Variants in PPM1D observed in about 807,000 individuals in gnomAD.
PPM1D encodes the protein protein phosphatase 1D.
In PPM1D, 52 loss-of-function variants were observed where a neutral mutation model predicts 58.3. The observed-to-expected ratio is 0.89, with a 90% CI of 0.71 to 1.12. The LOEUF is 1.12. Among genes scored for constraint, PPM1D ranks in the 50% most tolerant of loss-of-function variants. The pLI, the probability that PPM1D is intolerant of heterozygous loss-of-function variation, is 0.00. For synonymous variants in PPM1D, 278 were observed against 285.1 expected (o/e 0.98, Z 0.25); for missense variants, 564 against 777.2 (o/e 0.73, Z 3.26).
At chr17:60,654,994 G>A (rs2143715641) in intron 4 of PPM1D, among the ~76,000 whole-genome samples, 1 of 152,202 alleles carries the variant, frequency 6.6e-6, no homozygotes, top group African/African-American at 2.4e-5. Context: ...TATGACACTG[G>A]AAGTTTTATT....
intron 1 of PPM1D, among the ~76,000 whole-genome samples, chr17:60,602,797 A>AC (rs1555643761): frequency 0.048 from 7,134 of 149,436 alleles, 612 homozygotes; most frequent in African/African-American, 0.17. Context: ...AAAAAAAAAA[A>AC]AAAGTATGCT....
chr17:60,602,504 A>G (rs915081442), intron 1 of PPM1D, among the ~76,000 whole-genome samples: 1 of 151,948 alleles, frequency 6.6e-6, no homozygotes, highest in Non-Finnish European at 1.5e-5. Context: ...CTGGGCAACA[A>G]GCGATCCTGG....
intron 3 of PPM1D, among the ~76,000 whole-genome samples, chr17:60,645,727 TAAG>T (rs1166337685): frequency 6.7e-6 from 1 of 148,576 alleles, no homozygotes; most frequent in Non-Finnish European, 1.5e-5. Flanking sequence ...GATAAGAACA[TAAG>T]AATAATAGTC....
At chr17:60,639,798 G>C (rs971724914) in intron 3 of PPM1D, among the ~76,000 whole-genome samples, 1 of 152,306 alleles carries the variant, frequency 6.6e-6, no homozygotes, top group East Asian at 1.9e-4. Context: ...CACTTAACCA[G>C]AGAGGCCAGA....
intron 2 of PPM1D, among the ~76,000 whole-genome samples, chr17:60,626,561 A>T (rs2030813939): frequency 6.6e-6 from 1 of 151,670 alleles, no homozygotes; most frequent in Admixed American, 6.6e-5. Flanking sequence ...CGCCCGGCTA[A>T]TTTTTTGTAT....
intron 3 of PPM1D, among the ~76,000 whole-genome samples, chr17:60,641,345 T>G (rs1372130158): frequency 2.6e-5 from 4 of 152,226 alleles, no homozygotes; most frequent in Non-Finnish European, 5.9e-5. Context: ...CTCTAATGAT[T>G]ACTAATGTGG....
In PPM1D at chr17:60,608,578, G is replaced by A. The variant is rs145495636; in HGVS notation, c.472+7692G>A. ...CTGCACTCCAGCCTGGCAACAGAGC[G>A]AGATTCTGTCTCAACAATAAATAAA... On this transcript the variant is annotated intron_variant, in intron 1 of 5. Transcript: ENST00000305921. 5.3e-3 allele frequency among the ~76,000 whole-genome samples: 801 copies of A among 152,006 alleles called. 5 individuals carry two copies. Among genetic ancestry groups the A allele is most frequent in the African/African-American group, 0.018 (727 of 41,450 alleles).
At chr17:60,601,455 G>A (rs1206559238) in intron 1 of PPM1D, among the ~76,000 whole-genome samples, 1 of 152,188 alleles carries the variant, frequency 6.6e-6, no homozygotes, top group Non-Finnish European at 1.5e-5. Flanking sequence ...AAGGAATTCC[G>A]TTGTAATGAT....
At chr17:60,662,485 T>C (rs1447807273) in intron 5 of PPM1D, 2 of 153,094 alleles carry the variant, frequency 1.3e-5, no homozygotes, top group African/African-American at 4.8e-5. Flanking sequence ...TGGAAAAATA[T>C]GACTTTTATG....
intron 5 of PPM1D, among the ~76,000 whole-genome samples, chr17:60,658,759 C>T (rs1023238273): frequency 1.3e-5 from 2 of 151,662 alleles, no homozygotes; most frequent in South Asian, 2.1e-4. Flanking sequence ...GTCAGGAGAT[C>T]GAGACTATCT....
chr17:60,601,874 G>A (rs893580754), intron 1 of PPM1D, among the ~76,000 whole-genome samples: 3 of 152,138 alleles, frequency 2.0e-5, no homozygotes, highest in Admixed American at 2.0e-4. Context: ...GTGAATAAAT[G>A]GCATGCATCT....
At chr17:60,646,813 A>G (rs1412610330) in intron 3 of PPM1D, among the ~76,000 whole-genome samples, 2 of 152,230 alleles carry the variant, frequency 1.3e-5, no homozygotes, top group Non-Finnish European at 2.9e-5. Context: ...AAGGAGAAGG[A>G]TAAATGTAAG....
chr17:60,627,967 C>G (rs913464938), intron 2 of PPM1D, among the ~76,000 whole-genome samples: 1 of 151,682 alleles, frequency 6.6e-6, no homozygotes, highest in Non-Finnish European at 1.5e-5. Flanking sequence ...CTCACCGCAA[C>G]CTCTGCTTCC....
intron 2 of PPM1D, among the ~76,000 whole-genome samples, chr17:60,626,395 T>C (rs544193165): frequency 1.3e-5 from 2 of 151,526 alleles, no homozygotes; most frequent in African/African-American, 4.9e-5. Flanking sequence ...TTTGGGGTTT[T>C]TTTTGTTTTT....
chr17:60,616,203 G>C (rs2030580565), intron 1 of PPM1D, among the ~76,000 whole-genome samples: 1 of 150,414 alleles, frequency 6.6e-6, no homozygotes, highest in Non-Finnish European at 1.5e-5. Flanking sequence ...CACAAGAATT[G>C]CTTTAACCTG....
At chr17:60,619,046 C>T (rs1301126333) in intron 1 of PPM1D, among the ~76,000 whole-genome samples, 1 of 152,172 alleles carries the variant, frequency 6.6e-6, no homozygotes, top group African/African-American at 2.4e-5. Flanking sequence ...CCCACTTCTC[C>T]TAACCCCTAA....
At chr17:60,659,696 T>G (rs954164452) in intron 5 of PPM1D, among the ~76,000 whole-genome samples, 1 of 152,246 alleles carries the variant, frequency 6.6e-6, no homozygotes. Context: ...AAAGTATGTA[T>G]TTTTAGGGGT....
At chr17:60,661,743 G>A (rs929843557) in intron 5 of PPM1D, among the ~76,000 whole-genome samples, 2 of 152,156 alleles carry the variant, frequency 1.3e-5, no homozygotes, top group African/African-American at 4.8e-5. Context: ...CAGGATGGGT[G>A]CAAAGCAGCA....
At chr17:60,607,561 A>G (rs1479975325) in intron 1 of PPM1D, among the ~76,000 whole-genome samples, 1 of 152,240 alleles carries the variant, frequency 6.6e-6, no homozygotes, top group Non-Finnish European at 1.5e-5. Context: ...TCAGGCTCCC[A>G]AAGTGTTGGG....
Sources: allele counts gnomAD v4.1 joint callset (sites outside exome capture counted in the v4.1 genomes callset), GRCh38; gene constraint gnomAD v4.1.1; transcripts MANE v1.5; gene names NCBI Gene and HGNC (gene_info 2026-07-23, HGNC 2026-07-21).